STAG1: variants seen among roughly 807,000 people sequenced by gnomAD.
STAG1 encodes the protein STAG1 cohesin complex component.
A neutral mutation model predicts 170.9 loss-of-function variants in STAG1; 26 were observed. The ratio of observed to expected loss-of-function variants is 0.15; its 90% confidence interval spans 0.11 to 0.21. The LOEUF is 0.21. Among genes scored for constraint, STAG1 ranks in the 10% least tolerant of loss-of-function variants. The pLI, the probability that STAG1 is intolerant of heterozygous loss-of-function variation, is 1.00. For synonymous variants in STAG1, 514 were observed against 497.7 expected, an observed-to-expected ratio of 1.03 and a Z score of -0.44; for missense variants, 964 against 1,509.5, an observed-to-expected ratio of 0.64 and a Z score of 5.99.
intron 4 of STAG1, among the ~76,000 whole-genome samples, chr3:136,597,084 A>AT (rs931606245): frequency 1.1e-4 from 16 of 151,970 alleles, no homozygotes; most frequent in Non-Finnish European, 2.9e-5. Context: ...TTAAAAAAAA[A>AT]TTTTTTTTCA....
intron 29 of STAG1, among the ~76,000 whole-genome samples, chr3:136,344,505 C>A (rs1330130191): frequency 2.0e-5 from 3 of 152,118 alleles, no homozygotes; most frequent in Admixed American, 2.0e-4. Context: ...TAACTTCTTG[C>A]CAGGTTATAC....
chr3:136,690,056 C>CAAAAAAAAAAAAAAAAAAACA (rs1942669246), intron 1 of STAG1, among the ~76,000 whole-genome samples: 2 of 56,402 alleles, frequency 3.5e-5, no homozygotes, highest in Non-Finnish European at 3.2e-5. Context: ...AAAAGCAAAC[C>CAAAAAAAAAAAAAAAAAAACA]AAAAAAAAAA....
chr3:136,350,343 A>G (rs1202452797), intron 28 of STAG1, among the ~76,000 whole-genome samples: 1 of 152,154 alleles, frequency 6.6e-6, no homozygotes, highest in Non-Finnish European at 1.5e-5. Flanking sequence ...GAAAGAAAGA[A>G]GCATACCATT....
intron 6 of STAG1, among the ~76,000 whole-genome samples, chr3:136,522,775 G>A (rs1240009787): frequency 4.3e-5 from 6 of 138,508 alleles, no homozygotes. Context: ...GTGTCCAAGT[G>A]TTCTCACTGT....
intron 5 of STAG1, among the ~76,000 whole-genome samples, chr3:136,549,922 T>C (rs1441981748): frequency 6.6e-6 from 1 of 152,240 alleles, no homozygotes; most frequent in African/African-American, 2.4e-5. Flanking sequence ...TGGTATCTAC[T>C]GAGATGACCA....
intron 4 of STAG1, among the ~76,000 whole-genome samples, chr3:136,599,107 A>G (rs1456688181): frequency 6.6e-6 from 1 of 152,234 alleles, no homozygotes; most frequent in Non-Finnish European, 1.5e-5. Flanking sequence ...AATGTAAATC[A>G]TTCTATTATA....
At chr3:136,649,253 C>A (rs113317024) in intron 1 of STAG1, among the ~76,000 whole-genome samples, 7 of 151,036 alleles carry the variant, frequency 4.6e-5, no homozygotes, top group African/African-American at 1.5e-4. Context: ...CTGAGGTGGG[C>A]GGATCACCTA....
intron 1 of STAG1, among the ~76,000 whole-genome samples, chr3:136,702,263 TA>T (rs1401778244): frequency 4.6e-5 from 7 of 152,158 alleles, no homozygotes; most frequent in African/African-American, 1.7e-4. Flanking sequence ...CTTTTACATT[TA>T]TTTTTTAAGT....
At chr3:136,539,319 C>T (rs752939566) in intron 6 of STAG1, among the ~76,000 whole-genome samples, 15 of 151,854 alleles carry the variant, frequency 9.9e-5, no homozygotes, top group Non-Finnish European at 1.9e-4. Context: ...TAAATAAATG[C>T]TGAAATGGAT....
At chr3:136,471,449 G>A (rs2107811045) in intron 12 of STAG1, among the ~76,000 whole-genome samples, 1 of 151,910 alleles carries the variant, frequency 6.6e-6, no homozygotes, top group East Asian at 1.9e-4. Context: ...AAGACAAAGA[G>A]GAGAAAATGA....
chr3:136,614,336 C>T (rs1038192447), intron 3 of STAG1, among the ~76,000 whole-genome samples: 2 of 152,104 alleles, frequency 1.3e-5, no homozygotes, highest in African/African-American at 4.8e-5. Context: ...ATCCCATAAA[C>T]AACAGTACAA....
intron 4 of STAG1, among the ~76,000 whole-genome samples, chr3:136,588,827 A>G (rs935759718): frequency 6.6e-6 from 1 of 151,940 alleles, no homozygotes; most frequent in African/African-American, 2.4e-5. Flanking sequence ...GCAATGGCAC[A>G]ATCTCAGCTC....
chr3:136,598,572 G>A (rs1027952126), intron 4 of STAG1, among the ~76,000 whole-genome samples: 2 of 151,850 alleles, frequency 1.3e-5, no homozygotes, highest in Admixed American at 6.6e-5. Context: ...GACTATAGGC[G>A]CCCGCCACCA....
intron 20 of STAG1, among the ~76,000 whole-genome samples, chr3:136,418,779 C>T (rs2087858197): frequency 6.6e-6 from 1 of 151,896 alleles, no homozygotes. Context: ...GTAGCTGGGA[C>T]TACAGGTGTG....
At chr3:136,751,350 CAAG>C (rs1417018831) in intron 1 of STAG1, among the ~76,000 whole-genome samples, 3 of 152,122 alleles carry the variant, frequency 2.0e-5, no homozygotes, top group African/African-American at 4.8e-5. Flanking sequence ...CCATACCATA[CAAG>C]AAGAACCCAG....
chr3:136,577,753 C>T (rs779672734), intron 4 of STAG1, among the ~76,000 whole-genome samples: 10 of 152,176 alleles, frequency 6.6e-5, no homozygotes, highest in Admixed American at 5.9e-4. Flanking sequence ...ATATACTCAA[C>T]AGAAATCTGA....
chr3:136,614,088 C>T (rs936441673), intron 3 of STAG1, among the ~76,000 whole-genome samples: 8 of 152,178 alleles, frequency 5.3e-5, no homozygotes, highest in East Asian at 3.9e-4. Context: ...TGGTGGTACG[C>T]GCCTGTAGTC....
intron 1 of STAG1, among the ~76,000 whole-genome samples, chr3:136,737,862 G>A (rs1934431373): frequency 6.6e-6 from 1 of 152,028 alleles, no homozygotes; most frequent in African/African-American, 2.4e-5. Context: ...AAGGTCAGGG[G>A]TTCAAGACCA....
chr3:136,525,974 T>C (rs182832112), intron 6 of STAG1, among the ~76,000 whole-genome samples: 40 of 152,356 alleles, frequency 2.6e-4, no homozygotes, highest in African/African-American at 9.6e-4. Flanking sequence ...TTTGTTATAA[T>C]TTCTGTTCTT....
Sources: gnomAD v4.1 joint callset for allele counts (sites outside exome capture counted in the v4.1 genomes callset) on GRCh38, gnomAD v4.1.1 for gene constraint, MANE v1.5 for transcripts, NCBI Gene and HGNC (gene_info 2026-07-23, HGNC 2026-07-21) for gene names.